The following IPO13 variants were observed in gnomAD, a reference collection of about 807,000 sequenced individuals.
IPO13 encodes importin-13.
IPO13 carries 28 observed loss-of-function variants against 115.5 expected under a neutral mutation model. The ratio of observed to expected loss-of-function variants is 0.24; its 90% confidence interval spans 0.18 to 0.33. The LOEUF is 0.33. IPO13 is among the 10% of genes least tolerant of loss of function. The pLI is 1.00. For synonymous variants in IPO13, 414 were observed against 478.9 expected, an observed-to-expected ratio of 0.86 and a Z score of 1.77; for missense variants, 785 against 1,204.6, an observed-to-expected ratio of 0.65 and a Z score of 5.16.
intron 1 of IPO13, 106 bp from the exon 2 acceptor site, chr1:43,949,311 A>G: frequency 1.6e-6 from 2 of 1,216,358 alleles, no homozygotes; most frequent in South Asian, 3.1e-5. Context: ...TCAGCCCCCC[A>G]GTCAGGGAGA....
intron 2 of IPO13, among the ~76,000 whole-genome samples, chr1:43,955,212 A>G (rs2085236101): frequency 6.6e-6 from 1 of 151,166 alleles, no homozygotes; most frequent in South Asian, 2.1e-4. Context: ...TAGAGGGTGG[A>G]GCGGATGGCA....
intron 2 of IPO13, chr1:43,953,104 G>C (rs750229223): frequency 1.3e-5 from 2 of 152,180 alleles, no homozygotes; most frequent in Non-Finnish European, 2.9e-5. Context: ...TCCTCTGAAC[G>C]AATGAGCGAG....
rs1291728832 is a variant in IPO13 at position 43,952,960 on chromosome 1, T to A, written c.821+2807T>A. Among the ~76,000 whole-genome samples, 1 of 152,134 alleles carries A rather than the reference T, an allele frequency of 6.6e-6. No homozygotes were observed. The highest frequency in any genetic ancestry group is 1.5e-5 in the Non-Finnish European group (1 of 68,004). On this transcript the variant is annotated intron_variant, in intron 2 of 19. Coordinates refer to ENST00000372343, the MANE Select transcript of IPO13 (RefSeq NM_014652.4). The surrounding 1 kb of genome is among the most constrained non-coding windows in gnomAD (Gnocchi z 4.7). Reference sequence around the variant, plus strand: ...GGCAGCCTGAAGCTCAAGTGCTGGGTGGGCTCTGACAGTTGGTGACTAAGG... The same window carrying A: ...GGCAGCCTGAAGCTCAAGTGCTGGGAGGGCTCTGACAGTTGGTGACTAAGG...
chr1:43,961,838 A>G (rs2085292500), intron 14 of IPO13, among the ~76,000 whole-genome samples: 1 of 152,192 alleles, frequency 6.6e-6, no homozygotes, highest in Non-Finnish European at 1.5e-5. Flanking sequence ...CTTTCCCTGC[A>G]TCAAGGCTTA....
chr1:43,958,908 C>A lies in IPO13; in HGVS notation c.2028+19C>A. 1.2e-6 allele frequency: 2 copies of A among 1,610,424 alleles called. No homozygotes were observed. The highest frequency in any genetic ancestry group is 1.1e-5 in the South Asian group (1 of 90,958). Reference sequence around the variant, plus strand: ...CAACCCCGTGGGTGACATTTGCCCACGGCAAAGACATTTGTCTTTGCCATC... The same window carrying A: ...CAACCCCGTGGGTGACATTTGCCCAAGGCAAAGACATTTGTCTTTGCCATC... On this transcript the variant is annotated intron_variant, in intron 11 of 19. Coordinates refer to ENST00000372343, the MANE Select transcript of IPO13 (RefSeq NM_014652.4). The surrounding 1 kb of genome is among the most constrained non-coding windows in gnomAD (Gnocchi z 6.3).
At chr1:43,960,510 T>C (rs2085282231) in intron 12 of IPO13, among the ~76,000 whole-genome samples, 181 bp downstream of exon 12, 1 of 152,172 alleles carries the variant, frequency 6.6e-6, no homozygotes, top group Non-Finnish European at 1.5e-5. Flanking sequence ...TCATGAGAAG[T>C]GCTTAACGTA....
intron 2 of IPO13, among the ~76,000 whole-genome samples, chr1:43,951,846 A>G (rs1198165199): frequency 6.6e-6 from 1 of 152,168 alleles, no homozygotes; most frequent in East Asian, 1.9e-4. Context: ...TGAATCCCAG[A>G]TGGTTCACTT....
chr1:43,958,724 C>T lies in IPO13; in HGVS notation c.1885-22C>T. The T allele has an allele frequency of 6.2e-7, 1 of 1,613,948 alleles. No homozygotes were observed. Among genetic ancestry groups the T allele is most frequent in the Middle Eastern group, 1.6e-4 (1 of 6,062 alleles). Reference sequence around the variant, plus strand: ...CAAACTGGGGCTGGGAGATCTGGAGCTTGGTTTGCTTCTCCCTGCAGCCCA... The same window carrying T: ...CAAACTGGGGCTGGGAGATCTGGAGTTTGGTTTGCTTCTCCCTGCAGCCCA... On this transcript the variant is annotated intron_variant, in intron 10 of 19. Transcript: ENST00000372343. The surrounding 1 kb of genome is among the most constrained non-coding windows in gnomAD (Gnocchi z 6.3).
At position 43,960,978 on chromosome 1, in the gene IPO13, A is replaced by G. The variant is rs747907628; in HGVS notation, c.2212A>G (p.Ile738Val). The G allele has an allele frequency of 5.6e-6, 9 of 1,614,136 alleles. No homozygotes were observed. In the Admixed American group the frequency reaches 1.5e-4, roughly 27 times the overall value. The change falls in exon 13 of 20, where the codon ATC (isoleucine) becomes GTC (valine). Residue 738 changes from isoleucine to valine, a missense_variant. Physicochemically the swap from Ile to Val is conservative, Grantham distance 29. This residue lies in a region of IPO13 where 285 missense variants were observed against 394.8 expected (regional missense o/e 0.72). Coordinates refer to ENST00000372343, the MANE Select transcript of IPO13 (RefSeq NM_014652.4). ...CEMLGRMYST[I>V]PQASALDLTR... The stretch of plus-strand genomic sequence containing the variant: ...GATGCTGGGTCGGATGTACAGCACC[A>G]TCCCCCAGGCCTCTGCTCTTGACCT...
intron 2 of IPO13, among the ~76,000 whole-genome samples, chr1:43,951,405 C>A (rs937651901): frequency 5.9e-5 from 9 of 152,130 alleles, no homozygotes; most frequent in African/African-American, 1.9e-4. Context: ...AAGTGACAAC[C>A]CAGCTGTGTA....
chr1:43,951,927 TATC>T, intron 2 of IPO13, among the ~76,000 whole-genome samples: 1 of 152,310 alleles, frequency 6.6e-6, no homozygotes, highest in East Asian at 1.9e-4. Context: ...GGGATGATCA[TATC>T]AACCCCACAG....
At position 43,954,240 on chromosome 1, in the gene IPO13, G is replaced by A. The variant is rs535139447; in HGVS notation, c.822-2080G>A. Among the ~76,000 whole-genome samples the A allele has an allele frequency of 5.3e-5, 8 of 152,294 alleles. No individual in the cohort carries two copies. The South Asian group carries it at 1.7e-3, about 32-fold the overall frequency. ...GCCTGAAAATGCCCATTGTCTGGTG[G>A]TGCAGCCCGTGTCAGGGTCAGGAGA... is the stretch of plus-strand genomic sequence containing the variant. On this transcript the variant is annotated intron_variant, in intron 2 of 19. Coordinates refer to ENST00000372343, the MANE Select transcript of IPO13 (RefSeq NM_014652.4).
intron 11 of IPO13, 86 bp from the exon 12 acceptor site, chr1:43,960,163 C>A: frequency 7.8e-7 from 1 of 1,273,894 alleles, no homozygotes; most frequent in Non-Finnish European, 1.1e-6. Context: ...GTCTGAACTG[C>A]TCCCCTCCTC....
rs764418987 is a variant in IPO13, at chr1:43,967,380, C to T, written c.2679C>T (p.Asn893=). The T allele has an allele frequency of 1.2e-6, 2 of 1,614,060 alleles. No homozygotes were observed. Among genetic ancestry groups the T allele is most frequent in the Non-Finnish European group, 1.7e-6 (2 of 1,180,042 alleles). The change falls in exon 19 of 20, where the codon AAC becomes AAT. Residue 893 remains asparagine, a synonymous_variant. Transcript: ENST00000372343. The surrounding 1 kb of genome is among the most constrained non-coding windows in gnomAD (Gnocchi z 6.1). ...DCFADILFAL[N]KHCFSLLSMW... is the part of the protein sequence containing the mutation. ...TTGCCGATATCCTGTTCGCCCTGAA[C>T]AAGCACTGCTTCAGCCTCCTGAGCA... is the stretch of plus-strand genomic sequence containing the variant.
chr1:43,950,093 A>T lies in IPO13; in HGVS notation c.761A>T (p.Glu254Val). Residue 254 changes from glutamate to valine, a missense_variant, in exon 2 of 20, where the codon GAG (glutamate) becomes GTG (valine). Coordinates refer to ENST00000372343, the MANE Select transcript of IPO13 (RefSeq NM_014652.4). ...QAAFAALQDSELFDSSVEAIV... is the reference protein window; with the variant it reads ...QAAFAALQDSVLFDSSVEAIV... ...GCCTTTGCTGCTCTGCAGGACTCGG[A>T]GCTCTTCGACAGCAGTGTGGAGGCC... 6.2e-7 allele frequency: 1 copy of T among 1,613,916 alleles called. No individual in the cohort carries two copies. Among genetic ancestry groups the T allele is most frequent in the East Asian group, 2.2e-5 (1 of 44,878 alleles).
rs112206362 is a variant in IPO13, at chr1:43,956,836, G to A, written c.1131G>A (p.Glu377=). 265 of 1,614,228 alleles carry A rather than the reference G, an allele frequency of 1.6e-4. 1 individual carries two copies. In the African/African-American group the frequency reaches 3.1e-3, roughly 19 times the overall value. ...ATGATATTCTATCCTTTGAGGCAGA[G>A]AAGCAGGCTGTATACCAGCAGGTGT... ...LQDDILSFEA[E]KQAVYQQVYR... Residue 377 remains glutamate, a synonymous_variant, in exon 5 of 20, where the codon GAG becomes GAA. Transcript: ENST00000372343. The surrounding 1 kb of genome is among the most constrained non-coding windows in gnomAD (Gnocchi z 4.7).
intron 2 of IPO13, among the ~76,000 whole-genome samples, chr1:43,954,334 A>G (rs1214029779): frequency 6.6e-6 from 1 of 152,136 alleles, no homozygotes; most frequent in African/African-American, 2.4e-5. Flanking sequence ...ATATCCTGGC[A>G]TGGGTGACTT....
In IPO13 at chr1:43,958,157, A is replaced by G. The variant is rs757181088; in HGVS notation, c.1721A>G (p.Gln574Arg). 1 of 1,614,174 alleles carries G rather than the reference A, an allele frequency of 6.2e-7. No individual in the cohort carries two copies. The highest frequency in any genetic ancestry group is 8.5e-7 in the Non-Finnish European group (1 of 1,180,030). Residue 574 changes from glutamine to arginine, a missense_variant and splice_region_variant, in exon 8 of 20, where the codon CAG (glutamine) becomes CGG (arginine). Physicochemically the swap from Gln to Arg is conservative, Grantham distance 43. Transcript: ENST00000372343. This position sits in a 1 kb window ranked among gnomAD's most constrained non-coding sequence, Gnocchi z 6.3. ...PYAANIVAVS[Q>R]DVLMKQIHKT... ...GCTGCCAACATTGTGGCTGTGTCCC[A>G]GGTATGCAGGGGCCCTGGATGGTGC... is the stretch of plus-strand genomic sequence containing the variant.
intron 12 of IPO13, 79 bp from the exon 13 acceptor site, chr1:43,960,797 G>GC (rs939409481): frequency 4.5e-6 from 7 of 1,552,696 alleles, no homozygotes; most frequent in Middle Eastern, 1.7e-4. Flanking sequence ...CCAATCGTAG[G>GC]CCCCCTCTGT....
Sources: gnomAD v4.1 joint callset for allele counts (sites outside exome capture counted in the v4.1 genomes callset) on GRCh38, gnomAD v4.1.1 for gene constraint, gnomAD v4.1.1 regional missense constraint, Gnocchi (gnomAD v3.1) non-coding constraint, MANE v1.5 for transcripts, NCBI Gene and HGNC (gene_info 2026-07-23, HGNC 2026-07-21) for gene names.